HHIP: variants seen among roughly 807,000 people sequenced by gnomAD.
HHIP encodes the protein hedgehog-interacting protein.
Under a neutral mutation model 74.0 loss-of-function variants are expected in HHIP, and 12 were observed. The observed-to-expected ratio is 0.16, with a 90% CI of 0.10 to 0.26. The LOEUF (loss-of-function observed/expected upper bound fraction) is 0.26, where lower values mean the gene tolerates loss of function less well. Ranked by LOEUF, HHIP falls within the 10% of genes least tolerant of loss-of-function variation. The pLI is 1.00. For synonymous variants in HHIP, 309 were observed against 311.6 expected, an observed-to-expected ratio of 0.99 and a Z score of 0.09; for missense variants, 788 against 845.0, an observed-to-expected ratio of 0.93 and a Z score of 0.84.
chr4:144,697,455 G>A (rs1729851995), intron 4 of HHIP, among the ~76,000 whole-genome samples: 1 of 151,992 alleles, frequency 6.6e-6, no homozygotes, highest in Non-Finnish European at 1.5e-5. Flanking sequence ...AGCATCTGAT[G>A]CGTATTGAGC....
At chr4:144,702,043 T>A (rs1730001757) in intron 4 of HHIP, among the ~76,000 whole-genome samples, 1 of 152,142 alleles carries the variant, frequency 6.6e-6, no homozygotes, top group African/African-American at 2.4e-5. Context: ...ATACCCACAC[T>A]GTCAGAAACC....
intron 11 of HHIP, among the ~76,000 whole-genome samples, chr4:144,732,463 T>C (rs1256407562): frequency 6.6e-6 from 1 of 152,176 alleles, no homozygotes; most frequent in Non-Finnish European, 1.5e-5. Context: ...AGTTTCCTTA[T>C]GTTTGAATGT....
intron 1 of HHIP, 197 bp downstream of exon 1, chr4:144,647,151 GT>G (rs1399034690): frequency 1.9e-6 from 1 of 525,214 alleles, no homozygotes; most frequent in East Asian, 3.0e-5. Context: ...CTCCCCCAGA[GT>G]CCGCGGTCGG....
At chr4:144,687,639 G>A (rs1167738589) in intron 4 of HHIP, among the ~76,000 whole-genome samples, 1 of 151,462 alleles carries the variant, frequency 6.6e-6, no homozygotes, top group Non-Finnish European at 1.5e-5. Flanking sequence ...TGATGCTTCA[G>A]TGTCTTCATC....
intron 4 of HHIP, among the ~76,000 whole-genome samples, chr4:144,678,337 A>G (rs1163087304): frequency 6.6e-6 from 1 of 152,140 alleles, no homozygotes; most frequent in Non-Finnish European, 1.5e-5. Flanking sequence ...TTTCTTTCCA[A>G]TGATGTTGAA....
At chr4:144,666,608 G>A (rs1310192035) in intron 4 of HHIP, among the ~76,000 whole-genome samples, 1 of 152,196 alleles carries the variant, frequency 6.6e-6, no homozygotes, top group Non-Finnish European at 1.5e-5. Context: ...CTGACACTGT[G>A]CTCTCAACCA....
chr4:144,723,267 G>A (rs866899655), intron 11 of HHIP, among the ~76,000 whole-genome samples: 7 of 152,034 alleles, frequency 4.6e-5, no homozygotes, highest in African/African-American at 1.4e-4. Flanking sequence ...TTCCAGGCTC[G>A]AGAGGTCATT....
chr4:144,663,449 T>G (rs929557418), intron 4 of HHIP, among the ~76,000 whole-genome samples: 9 of 152,210 alleles, frequency 5.9e-5, no homozygotes, highest in African/African-American at 2.2e-4. Context: ...CTGGATCACT[T>G]ACACATTGAA....
In HHIP at chr4:144,708,902, A is replaced by G. The variant is rs146022491; in HGVS notation, c.1301+591A>G. Among the ~76,000 whole-genome samples the G allele has an allele frequency of 1.7e-3, 261 of 152,330 alleles. 2 individuals are homozygous for G. Among genetic ancestry groups the G allele is most frequent in the African/African-American group, 6.1e-3 (254 of 41,576 alleles). On this transcript the variant is annotated intron_variant, in intron 7 of 12. Transcript: ENST00000296575. ...TTTATTTCACTTTGAAAACATTGCA[A>G]ATACTAAAGGACTCCATATTAACTG...
chr4:144,693,843 ATAT>A (rs1269760180), intron 4 of HHIP, among the ~76,000 whole-genome samples: 1 of 151,950 alleles, frequency 6.6e-6, no homozygotes, highest in Non-Finnish European at 1.5e-5. Flanking sequence ...TCAGAAATAT[ATAT>A]TATTAGTTTT....
rs1056329963 is a variant in HHIP at position 144,740,334 on chromosome 4, C to T, written c.*2377C>T. The T allele has an allele frequency of 2.6e-5, 4 of 152,152 alleles. No individual in the cohort carries two copies. The highest frequency in any genetic ancestry group is 7.2e-5 in the African/African-American group (3 of 41,438). 9.4% of individuals were successfully genotyped at this position (152,152 alleles called of 1,614,324 possible). On this transcript the variant is annotated 3_prime_UTR_variant, in exon 13 of 13. Coordinates refer to ENST00000296575, the MANE Select transcript of HHIP (RefSeq NM_022475.3). The stretch of plus-strand genomic sequence containing the variant: ...GACCAGGCCCAGATTTTTTATACAG[C>T]TTTTTCCCAAGTGAAAGATTTTCAA...
At chr4:144,706,972 T>G (rs566714145) in intron 5 of HHIP, 115 bp from the exon 6 acceptor site, 1 of 838,168 alleles carries the variant, frequency 1.2e-6, no homozygotes, top group Non-Finnish European at 1.9e-6. Flanking sequence ...AATATATGTT[T>G]CCTTATTTAC....
At chr4:144,690,979 CA>C (rs1171543773) in intron 4 of HHIP, among the ~76,000 whole-genome samples, 1 of 152,014 alleles carries the variant, frequency 6.6e-6, no homozygotes, top group Non-Finnish European at 1.5e-5. Context: ...CAGGGGATGC[CA>C]AAGTCACTCC....
At chr4:144,656,568 C>A (rs1404677814) in intron 2 of HHIP, among the ~76,000 whole-genome samples, 1 of 151,980 alleles carries the variant, frequency 6.6e-6, no homozygotes, top group Admixed American at 6.6e-5. Flanking sequence ...TTTTTTTAAG[C>A]AAGCTTGAAA....
intron 4 of HHIP, among the ~76,000 whole-genome samples, chr4:144,678,822 T>G (rs1214302509): frequency 6.6e-6 from 1 of 152,244 alleles, no homozygotes; most frequent in Admixed American, 6.5e-5. Context: ...TCTTTGCTAT[T>G]GTGAACAGTG....
intron 4 of HHIP, among the ~76,000 whole-genome samples, chr4:144,678,700 T>C (rs188503827): frequency 7.5e-4 from 114 of 152,208 alleles, no homozygotes; most frequent in Non-Finnish European, 1.5e-3. Flanking sequence ...GCTTCATCCA[T>C]GTCCCTGCAA....
At chr4:144,656,297 A>G (rs1369711927) in intron 2 of HHIP, among the ~76,000 whole-genome samples, 2 of 152,234 alleles carry the variant, frequency 1.3e-5, no homozygotes, top group Non-Finnish European at 2.9e-5. Flanking sequence ...TCTAAATTAC[A>G]TAAGAAGCTT....
chr4:144,672,166 T>C (rs1013592386), intron 4 of HHIP, among the ~76,000 whole-genome samples: 1 of 152,168 alleles, frequency 6.6e-6, no homozygotes, highest in Admixed American at 6.5e-5. Context: ...GGACATACTT[T>C]GCTTTATTTT....
At position 144,652,630 on chromosome 4, in the gene HHIP, A is replaced by T; in HGVS notation, c.305A>T (p.Glu102Val). The T allele has an allele frequency of 6.2e-7, 1 of 1,608,998 alleles. No individual in the cohort carries two copies. The highest frequency in any genetic ancestry group is 8.5e-7 in the Non-Finnish European group (1 of 1,177,652). The change falls in exon 2 of 13, where the codon GAA becomes GTA. Residue 102 changes from glutamate to valine, a missense_variant. Glu to Val is a moderately radical substitution (Grantham distance 121). Coordinates refer to ENST00000296575, the MANE Select transcript of HHIP (RefSeq NM_022475.3). ...NKIFSVTNNT[E>V]CGKLLEEIKC... is the part of the protein sequence containing the mutation. ...ATATTTTCTGTTACCAACAACACAGAATGTGGGAAGTTACTGGAGGAAATC... is the reference window on the plus strand; with the variant it reads ...ATATTTTCTGTTACCAACAACACAGTATGTGGGAAGTTACTGGAGGAAATC...
Sources: allele counts gnomAD v4.1 joint callset (sites outside exome capture counted in the v4.1 genomes callset), GRCh38; gene constraint gnomAD v4.1.1; transcripts MANE v1.5; gene names NCBI Gene and HGNC (gene_info 2026-07-23, HGNC 2026-07-21).